Variants in SLC23A2 observed in about 807,000 individuals in gnomAD.
SLC23A2 encodes the protein Na(+)/L-ascorbic acid transporter 2.
SLC23A2 carries 36 observed loss-of-function variants against 73.3 expected under a neutral mutation model. The ratio of observed to expected loss-of-function variants is 0.49; its 90% CI spans 0.38 to 0.65. SLC23A2 has a LOEUF of 0.65. Among genes scored for constraint, SLC23A2 ranks in the 30% least tolerant of loss-of-function variants. The probability of loss-of-function intolerance (pLI) is 0.00; values close to 1 mark genes in which losing one functional copy is unlikely to be tolerated. For synonymous variants in SLC23A2, 343 were observed against 327.3 expected (o/e 1.05, Z -0.52); for missense variants, 507 against 841.6 (o/e 0.60, Z 4.92).
chr20:4,977,006 T>C (rs1353670381), intron 1 of SLC23A2, among the ~76,000 whole-genome samples: 2 of 151,930 alleles, frequency 1.3e-5, no homozygotes, highest in Non-Finnish European at 2.9e-5. Flanking sequence ...GCATATCCAA[T>C]GAAATCACTG....
At chr20:4,968,677 C>G (rs2087512727) in intron 2 of SLC23A2, among the ~76,000 whole-genome samples, 1 of 151,844 alleles carries the variant, frequency 6.6e-6, no homozygotes, top group Non-Finnish European at 1.5e-5. Flanking sequence ...ACTAAGAAAA[C>G]AGGCTTGACA....
intron 1 of SLC23A2, among the ~76,000 whole-genome samples, chr20:4,982,183 C>T (rs1046501646): frequency 6.6e-6 from 1 of 151,252 alleles, no homozygotes; most frequent in Non-Finnish European, 1.5e-5. Flanking sequence ...TTAGTAGAGA[C>T]GGGGTTTCAC....
intron 6 of SLC23A2, among the ~76,000 whole-genome samples, chr20:4,898,700 T>C (rs1266393395): frequency 6.6e-6 from 1 of 152,212 alleles, no homozygotes; most frequent in Non-Finnish European, 1.5e-5. Flanking sequence ...TTTCTCTTCC[T>C]TCCTGTGCCA....
In SLC23A2 at chr20:4,857,246, A is replaced by G. The variant is rs1034157955; in HGVS notation, c.1721-42T>C. On this transcript the variant is annotated intron_variant, in intron 16 of 16. Transcript: ENST00000338244. The surrounding 1 kb of genome is among the most constrained non-coding windows in gnomAD (Gnocchi z 4.0). Reference sequence around the variant, plus strand: ...GATAGAACAAAGGAATGCTTCGTTTAGCAGCTCTACTGAAAATGAAACTGT... The same window carrying G: ...GATAGAACAAAGGAATGCTTCGTTTGGCAGCTCTACTGAAAATGAAACTGT... The G allele has an allele frequency of 1.7e-6, 2 of 1,153,552 alleles. No homozygotes were observed. Among genetic ancestry groups the G allele is most frequent in the Non-Finnish European group, 2.5e-6 (2 of 795,066 alleles). 71.5% of individuals were successfully genotyped at this position (1,153,552 alleles called of 1,614,324 possible).
At chr20:4,873,564 TC>T (rs1445133432) in intron 11 of SLC23A2, among the ~76,000 whole-genome samples, 2 of 152,194 alleles carry the variant, frequency 1.3e-5, no homozygotes, top group African/African-American at 4.8e-5. Flanking sequence ...CCCAGGCTGT[TC>T]CCACTCACAT....
rs1433039485 is a variant in SLC23A2, at chr20:4,869,660, A to G, written c.1250+246T>C. 6.7e-6 allele frequency: 3 copies of G among 450,914 alleles called. No homozygotes were observed. The East Asian group carries it at 1.1e-4, about 16-fold the overall frequency. The allele number at this position is 450,914 out of a possible 1,614,324, so 27.9% of individuals were successfully genotyped here. A position where few individuals can be genotyped will look rare whatever the true frequency, so the allele number is the denominator to read the frequency against. On this transcript the variant is annotated intron_variant, in intron 12 of 16. Transcript: ENST00000338244. ...AGAGTGTGTTATTTGATGTCACTGC[A>G]ATTAAGGAAGGGTAGGAATTCCGTT... is the stretch of plus-strand genomic sequence containing the variant.
At chr20:4,988,213 A>T (rs984870962) in intron 1 of SLC23A2, among the ~76,000 whole-genome samples, 2 of 151,776 alleles carry the variant, frequency 1.3e-5, no homozygotes, top group Non-Finnish European at 2.9e-5. Flanking sequence ...GAGGCAGGAG[A>T]ATTGCTTGAA....
At position 4,859,342 on chromosome 20, in the gene SLC23A2, G is replaced by C; in HGVS notation, c.1667C>G (p.Thr556Ser). The change falls in exon 16 of 17, where the codon ACT becomes AGT. Residue 556 changes from threonine (T) to serine (S), a missense_variant. Around this residue, in one of 5 missense-constraint regions of SLC23A2, gnomAD observed 168 missense variants for 302.3 expected, o/e 0.56. Transcript: ENST00000338244. ...CACACAGCCCCCTACAAACATAGCA[G>C]TTGTGAGAAGGACGTTCAACACTTG... ...IDQVLNVLLT[T>S]AMFVGGCVAF... is the part of the protein sequence containing the mutation. 1 of 1,613,340 alleles carries C rather than the reference G, an allele frequency of 6.2e-7. No homozygotes were observed. Among genetic ancestry groups the C allele is most frequent in the East Asian group, 2.2e-5 (1 of 44,874 alleles).
At chr20:4,922,927 GA>G (rs1181889830) in intron 3 of SLC23A2, among the ~76,000 whole-genome samples, 1 of 151,840 alleles carries the variant, frequency 6.6e-6, no homozygotes, top group African/African-American at 2.4e-5. Flanking sequence ...ACTGTAGCAA[GA>G]ACCTCTTACT....
rs553611510 is a variant in SLC23A2 at position 4,933,058 on chromosome 20, A to G, written c.-154-342T>C. Among the ~76,000 whole-genome samples the G allele has an allele frequency of 2.0e-4, 31 of 152,266 alleles. No individual in the cohort carries two copies. The South Asian group carries it at 5.4e-3, about 26-fold the overall frequency. ...CTAATAGAACTTTCTGCAATGAGGGAGATGTTATATATCTGTCCTATCCAA... is the reference window on the plus strand; with the variant it reads ...CTAATAGAACTTTCTGCAATGAGGGGGATGTTATATATCTGTCCTATCCAA... On this transcript the variant is annotated intron_variant, in intron 2 of 16. Coordinates refer to ENST00000338244, the MANE Select transcript of SLC23A2 (RefSeq NM_005116.6).
At chr20:4,966,066 C>G (rs1600182041) in intron 2 of SLC23A2, among the ~76,000 whole-genome samples, 1 of 151,670 alleles carries the variant, frequency 6.6e-6, no homozygotes, top group East Asian at 1.9e-4. Flanking sequence ...AGACCCTGTC[C>G]CCTCCAAAAA....
At chr20:4,926,704 C>T (rs961065309) in intron 3 of SLC23A2, among the ~76,000 whole-genome samples, 1 of 151,984 alleles carries the variant, frequency 6.6e-6, no homozygotes, top group Admixed American at 6.6e-5. Context: ...TCCATGAGTC[C>T]TGGGGCCTGG....
intron 12 of SLC23A2, chr20:4,869,039 G>A (rs923585847): frequency 1.3e-5 from 2 of 152,232 alleles, no homozygotes; most frequent in African/African-American, 4.8e-5. Context: ...CACTACAGGG[G>A]AGAGCAAACG....
chr20:4,858,632 C>A (rs1929832352), intron 16 of SLC23A2, among the ~76,000 whole-genome samples: 1 of 152,120 alleles, frequency 6.6e-6, no homozygotes, highest in South Asian at 2.1e-4. Context: ...GGGAAATCTG[C>A]CAGTATGTCC....
chr20:5,005,395 GT>G (rs199725248), upstream of SLC23A2, among the ~76,000 whole-genome samples: 1 of 150,480 alleles, frequency 6.6e-6, no homozygotes, highest in South Asian at 2.1e-4. Flanking sequence ...TACAAACAAG[GT>G]TTTTTTTTCC....
At chr20:4,951,177 C>A (rs2087196834) in intron 2 of SLC23A2, among the ~76,000 whole-genome samples, 1 of 152,030 alleles carries the variant, frequency 6.6e-6, no homozygotes, top group African/African-American at 2.4e-5. Context: ...AAAACAAAAA[C>A]CCACAGTTGG....
chr20:4,901,314 C>G (rs1715380), intron 5 of SLC23A2, among the ~76,000 whole-genome samples: 109,583 of 151,918 alleles, frequency 0.72, 40,309 homozygotes, highest in Non-Finnish European at 0.79. Context: ...CAGGGTGAAT[C>G]AACCTCTCTG....
chr20:4,972,173 C>T (rs913424228), intron 1 of SLC23A2, among the ~76,000 whole-genome samples: 3 of 152,168 alleles, frequency 2.0e-5, no homozygotes, highest in Non-Finnish European at 2.9e-5. Context: ...GAAAAACGTG[C>T]AAGGCAACCA....
At chr20:4,914,560 GT>G (rs912877342) in intron 3 of SLC23A2, among the ~76,000 whole-genome samples, 3 of 152,052 alleles carry the variant, frequency 2.0e-5, no homozygotes, top group African/African-American at 4.8e-5. Context: ...AGGTATTTCT[GT>G]GGATCCAGCA....
Sources: gnomAD v4.1 joint callset for allele counts (sites outside exome capture counted in the v4.1 genomes callset) on GRCh38, gnomAD v4.1.1 for gene constraint, gnomAD v4.1.1 regional missense constraint, Gnocchi (gnomAD v3.1) non-coding constraint, MANE v1.5 for transcripts, NCBI Gene and HGNC (gene_info 2026-07-23, HGNC 2026-07-21) for gene names.